ATP11B: variants seen among roughly 807,000 people sequenced by gnomAD.
ATP11B encodes ATPase phospholipid transporting 11B (putative).
ATP11B carries 81 observed loss-of-function variants against 157.8 expected under a neutral mutation model. The ratio of observed to expected loss-of-function variants is 0.51; its 90% CI spans 0.43 to 0.62. ATP11B has a LOEUF of 0.62. ATP11B is among the 20% of genes least tolerant of loss of function. The pLI is 0.00. For missense variants in ATP11B, 1,165 were observed against 1,402.2 expected (o/e 0.83, Z 2.70); for synonymous variants, 451 against 469.4 (o/e 0.96, Z 0.51).
intron 1 of ATP11B, among the ~76,000 whole-genome samples, chr3:182,796,473 TATTAAA>T (rs1429406279): frequency 5.9e-5 from 9 of 152,224 alleles, no homozygotes; most frequent in Admixed American, 4.6e-4. Flanking sequence ...CATATGTGGG[TATTAAA>T]ATTAAAATTT....
intron 9 of ATP11B, among the ~76,000 whole-genome samples, chr3:182,846,536 G>A (rs184558248): frequency 4.6e-5 from 7 of 152,240 alleles, no homozygotes; most frequent in Non-Finnish European, 1.0e-4. Context: ...GTTCATAGCA[G>A]CACTATTCAT....
At chr3:182,848,644 ATATT>A (rs1396567435) in intron 10 of ATP11B, 87 bp downstream of exon 10, 22 of 517,282 alleles carry the variant, frequency 4.3e-5, no homozygotes, top group East Asian at 6.0e-5. Flanking sequence ...TATATAATAT[ATATT>A]AAGTAAACAG....
intron 1 of ATP11B, among the ~76,000 whole-genome samples, chr3:182,811,262 A>G (rs1264770062): frequency 2.0e-5 from 3 of 152,212 alleles, no homozygotes; most frequent in Non-Finnish European, 2.9e-5. Flanking sequence ...TTTCCTGGTA[A>G]TTGCATTCCT....
At chr3:182,820,482 G>C in intron 2 of ATP11B, 106 bp downstream of exon 2, 2 of 775,510 alleles carry the variant, frequency 2.6e-6, no homozygotes. Flanking sequence ...CCAGGAGTTT[G>C]CGACCAGTGT....
chr3:182,838,829 T>A (rs1718773580), intron 7 of ATP11B, among the ~76,000 whole-genome samples: 1 of 151,658 alleles, frequency 6.6e-6, no homozygotes, highest in African/African-American at 2.4e-5. Context: ...TGTGAAATAT[T>A]GCAAACATTT....
chr3:182,883,492 A>G (rs1722572398), intron 21 of ATP11B, among the ~76,000 whole-genome samples: 1 of 151,662 alleles, frequency 6.6e-6, no homozygotes. Context: ...TCCTGACCTC[A>G]GGTAATCCAC....
At chr3:182,829,943 T>C (rs1282793706) in intron 4 of ATP11B, 191 bp downstream of exon 4, 7 of 985,200 alleles carry the variant, frequency 7.1e-6, no homozygotes, top group Non-Finnish European at 2.4e-6. Flanking sequence ...ACTCATGGAA[T>C]GATTAACATC....
In ATP11B at chr3:182,918,212, G is replaced by T; in HGVS notation, c.*108G>T. 6.6e-7 allele frequency: 1 copy of T among 1,507,778 alleles called. No homozygotes were observed. The highest frequency in any genetic ancestry group is 1.4e-5 in the African/African-American group (1 of 72,370). 93.4% of individuals were successfully genotyped at this position (1,507,778 alleles called of 1,614,324 possible). ...TCTGAAATTAATTTCCAAAATCTTT[G>T]TAGTAGTTCATACCCACTCAGAGTT... On this transcript the variant is annotated 3_prime_UTR_variant, in exon 30 of 30. Coordinates refer to ENST00000323116, the MANE Select transcript of ATP11B (RefSeq NM_014616.3).
intron 29 of ATP11B, chr3:182,916,354 TG>T: frequency 1.0e-6 from 1 of 985,336 alleles, no homozygotes. Flanking sequence ...TCAAGAGTAA[TG>T]GGCATCACTT....
intron 28 of ATP11B, among the ~76,000 whole-genome samples, chr3:182,913,512 A>C (rs140426011): frequency 1.3e-5 from 2 of 152,180 alleles, no homozygotes; most frequent in Admixed American, 1.3e-4. Context: ...CTAAAGAAAA[A>C]CTCCATGCAG....
At chr3:182,835,340 T>C (rs1244927380) in intron 4 of ATP11B, among the ~76,000 whole-genome samples, 2 of 152,212 alleles carry the variant, frequency 1.3e-5, no homozygotes, top group Non-Finnish European at 2.9e-5. Flanking sequence ...CTCATTTTTT[T>C]CTACTTATTG....
chr3:182,867,348 C>A (rs779188299), intron 14 of ATP11B, 28 bp from the exon 15 acceptor site: 12 of 1,393,612 alleles, frequency 8.6e-6, no homozygotes, highest in South Asian at 1.2e-5. Context: ...TTTCTTAAGT[C>A]TCACTTTTTT....
intron 28 of ATP11B, among the ~76,000 whole-genome samples, chr3:182,913,330 G>A (rs1469995931): frequency 2.0e-5 from 3 of 152,134 alleles, no homozygotes; most frequent in Non-Finnish European, 2.9e-5. Context: ...TAAAGCATAC[G>A]TAAAGTGTTT....
chr3:182,798,719 T>A (rs1343734376), intron 1 of ATP11B, among the ~76,000 whole-genome samples: 4 of 152,236 alleles, frequency 2.6e-5, no homozygotes, highest in African/African-American at 9.6e-5. Context: ...TGTCGAAATG[T>A]AGGCACTTGA....
chr3:182,897,596 A>AT (rs1308303038), intron 27 of ATP11B, among the ~76,000 whole-genome samples, 190 bp downstream of exon 27: 1 of 151,718 alleles, frequency 6.6e-6, no homozygotes, highest in Non-Finnish European at 1.5e-5. Flanking sequence ...ATTTTTCTAG[A>AT]TTTTTTTTAT....
intron 19 of ATP11B, among the ~76,000 whole-genome samples, chr3:182,876,695 G>A (rs897347935): frequency 3.3e-5 from 5 of 152,178 alleles, no homozygotes; most frequent in African/African-American, 1.2e-4. Context: ...GGGACGAAAG[G>A]CAAGAGAGGG....
intron 1 of ATP11B, among the ~76,000 whole-genome samples, chr3:182,802,401 CAA>C (rs1199261799): frequency 5.3e-5 from 8 of 152,102 alleles, no homozygotes; most frequent in Admixed American, 5.2e-4. Context: ...GAGTAAAAGC[CAA>C]AGTCTCTGCT....
At chr3:182,862,691 C>T (rs1045982441) in intron 12 of ATP11B, among the ~76,000 whole-genome samples, 9 of 152,118 alleles carry the variant, frequency 5.9e-5, no homozygotes, top group Admixed American at 5.2e-4. Flanking sequence ...TTTCTCATCA[C>T]TTGGGTTTCA....
At position 182,900,017 on chromosome 3, in the gene ATP11B, A is replaced by G. The variant is rs537015956; in HGVS notation, c.3318+1245A>G. 2.0e-5 allele frequency among the ~76,000 whole-genome samples: 3 copies of G among 152,336 alleles called. No individual in the cohort carries two copies. In the South Asian group the frequency reaches 6.2e-4, roughly 32 times the overall value. On this transcript the variant is annotated intron_variant, in intron 28 of 29. Transcript: ENST00000323116. ...CATGCCAAATGAATTTTGGAAATTT[A>G]GTTGTATATTCATCCTACAAATAGA... is the stretch of plus-strand genomic sequence containing the variant.
Sources: gnomAD v4.1 joint callset for allele counts (sites outside exome capture counted in the v4.1 genomes callset) on GRCh38, gnomAD v4.1.1 for gene constraint, MANE v1.5 for transcripts, NCBI Gene and HGNC (gene_info 2026-07-23, HGNC 2026-07-21) for gene names.